The following USP15 variants were observed in gnomAD, a reference collection of about 807,000 sequenced individuals.
USP15 encodes ubiquitin carboxyl-terminal hydrolase 15.
USP15 carries 18 observed loss-of-function variants against 127.1 expected under a neutral mutation model. The observed-to-expected ratio is 0.14, with a 90% CI of 0.10 to 0.21. The LOEUF (loss-of-function observed/expected upper bound fraction) is 0.21, where lower values mean the gene tolerates loss of function less well. Among genes scored for constraint, USP15 ranks in the 10% least tolerant of loss-of-function variants. The probability of loss-of-function intolerance (pLI) is 1.00; values close to 1 mark genes in which losing one functional copy is unlikely to be tolerated. For synonymous variants in USP15, 364 were observed against 393.7 expected (o/e 0.92, Z 0.89); for missense variants, 805 against 1,159.9 (o/e 0.69, Z 4.44).
chr12:62,390,647 C>T (rs2067295723), intron 14 of USP15, among the ~76,000 whole-genome samples: 1 of 151,884 alleles, frequency 6.6e-6, no homozygotes, highest in African/African-American at 2.4e-5. Context: ...TAACATTTAA[C>T]CTAAAAGGTA....
At chr12:62,287,106 G>C (rs138509766) in intron 1 of USP15, among the ~76,000 whole-genome samples, 102 of 152,140 alleles carry the variant, frequency 6.7e-4, no homozygotes, top group African/African-American at 2.4e-3. Flanking sequence ...TTATAAGTAG[G>C]AGCTAAACAT....
rs2068136805 is a variant in USP15 at position 62,415,587 on chromosome 12, C to T, written c.*11212C>T. ...CTCACCTCACCTCTCTGCCTTTCAC[C>T]TCTCTGTAAACTAGAGCAGCTCCCG... On this transcript the variant is annotated 3_prime_UTR_variant, in exon 22 of 22. Transcript: ENST00000280377. 1 of 152,252 alleles carries T rather than the reference C, an allele frequency of 6.6e-6. No individual in the cohort carries two copies. The highest frequency in any genetic ancestry group is 2.4e-5 in the African/African-American group (1 of 41,440). The allele number at this position is 152,252 out of a possible 1,614,324, so 9.4% of individuals were successfully genotyped here. A position where few individuals can be genotyped will look rare whatever the true frequency, so the allele number is the denominator to read the frequency against.
chr12:62,359,831 T>C (rs936943602), intron 8 of USP15, among the ~76,000 whole-genome samples: 3 of 152,102 alleles, frequency 2.0e-5, no homozygotes, highest in Admixed American at 6.6e-5. Flanking sequence ...AATTCAAAAT[T>C]GTTGAGTTTG....
chr12:62,266,508 C>G (rs1394547296), intron 1 of USP15, among the ~76,000 whole-genome samples: 8 of 150,002 alleles, frequency 5.3e-5, no homozygotes, highest in Admixed American at 4.7e-4. Flanking sequence ...GATAATAAAA[C>G]AGTCAATTTT....
At position 62,260,404 on chromosome 12, in the gene USP15, A is replaced by G; in HGVS notation, c.-11A>G. 2.6e-6 allele frequency: 4 copies of G among 1,550,030 alleles called. No individual in the cohort carries two copies. Among genetic ancestry groups the G allele is most frequent in the Non-Finnish European group, 3.5e-6 (4 of 1,146,922 alleles). ...CGTCGCTGCCACCTCCCCTACCGCT[A>G]GTGGAAGAAGATGGCGGAAGGCGGA... On this transcript the variant is annotated 5_prime_UTR_variant, in exon 1 of 22. Transcript: ENST00000280377.
intron 4 of USP15, among the ~76,000 whole-genome samples, chr12:62,320,801 A>T (rs1432906938): frequency 6.6e-6 from 1 of 152,108 alleles, no homozygotes; most frequent in East Asian, 1.9e-4. Context: ...CTAAAATCTA[A>T]AAGTATTCTG....
rs1201066373 is a variant in USP15 at position 62,410,711 on chromosome 12, G to C, written c.*6336G>C. Reference sequence around the variant, plus strand: ...TTTTCACAACCATAAAATTATGCTGGTCTCTTGAAAGTATTAGTTTATGGG... The same window carrying C: ...TTTTCACAACCATAAAATTATGCTGCTCTCTTGAAAGTATTAGTTTATGGG... On this transcript the variant is annotated 3_prime_UTR_variant, in exon 22 of 22. Transcript: ENST00000280377. 6.6e-6 allele frequency: 1 copy of C among 152,102 alleles called. No individual in the cohort carries two copies. Among genetic ancestry groups the C allele is most frequent in the Non-Finnish European group, 1.5e-5 (1 of 68,012 alleles). 9.4% of individuals were successfully genotyped at this position (152,102 alleles called of 1,614,324 possible).
intron 1 of USP15, among the ~76,000 whole-genome samples, chr12:62,273,141 C>T (rs556604222): frequency 4.1e-5 from 6 of 145,612 alleles, no homozygotes; most frequent in South Asian, 2.1e-4. Context: ...TCCCAAAGTC[C>T]TTCTGGCCTT....
At chr12:62,324,800 A>G (rs2065082744) in intron 5 of USP15, among the ~76,000 whole-genome samples, 1 of 152,118 alleles carries the variant, frequency 6.6e-6, no homozygotes, top group Non-Finnish European at 1.5e-5. Flanking sequence ...ATTGTTACAT[A>G]TACTCTGAAA....
chr12:62,366,437 A>T (rs958248265), intron 8 of USP15, among the ~76,000 whole-genome samples: 5 of 152,192 alleles, frequency 3.3e-5, no homozygotes, highest in African/African-American at 1.2e-4. Context: ...TTATCAGGTT[A>T]AGGAGATTTA....
rs553821603 is a variant in USP15 at position 62,366,072 on chromosome 12, T to C, written c.915+10597T>C. Among the ~76,000 whole-genome samples the C allele has an allele frequency of 6.6e-5, 10 of 152,318 alleles. No homozygotes were observed. In the South Asian group the frequency reaches 1.9e-3, roughly 28 times the overall value. Reference sequence around the variant, plus strand: ...GTTCCATATGAAGTTTAAAGTAGTTTTTTCCAATTCTGTGAAGAAAGTCAG... The same window carrying C: ...GTTCCATATGAAGTTTAAAGTAGTTCTTTCCAATTCTGTGAAGAAAGTCAG... On this transcript the variant is annotated intron_variant, in intron 8 of 21. Coordinates refer to ENST00000280377, the MANE Select transcript of USP15 (RefSeq NM_001252078.2).
At chr12:62,356,005 A>G (rs889263633) in intron 8 of USP15, among the ~76,000 whole-genome samples, 4 of 148,804 alleles carry the variant, frequency 2.7e-5, no homozygotes, top group Admixed American at 2.0e-4. Flanking sequence ...TTTCTGCTCT[A>G]GTCTATATCC....
At chr12:62,311,772 T>G (rs1034770476) in intron 3 of USP15, among the ~76,000 whole-genome samples, 1 of 151,738 alleles carries the variant, frequency 6.6e-6, no homozygotes, top group Non-Finnish European at 1.5e-5. Flanking sequence ...ATGGAGAACT[T>G]CTAGGTTAAA....
At chr12:62,356,833 A>G (rs1022086066) in intron 8 of USP15, among the ~76,000 whole-genome samples, 1 of 152,080 alleles carries the variant, frequency 6.6e-6, no homozygotes, top group Non-Finnish European at 1.5e-5. Context: ...ATAACAAAGT[A>G]AAGTACATGG....
chr12:62,319,853 T>C (rs2064934244), intron 4 of USP15, among the ~76,000 whole-genome samples: 1 of 152,224 alleles, frequency 6.6e-6, no homozygotes, highest in Non-Finnish European at 1.5e-5. Flanking sequence ...TTTGGTATTT[T>C]TGCCAAAAGC....
intron 1 of USP15, among the ~76,000 whole-genome samples, chr12:62,271,803 C>T (rs954435172): frequency 4.6e-5 from 7 of 151,846 alleles, no homozygotes; most frequent in Non-Finnish European, 7.4e-5. Flanking sequence ...TAAAAACAAT[C>T]TTACTTGGCC....
At chr12:62,337,326 A>G (rs1437416032) in intron 6 of USP15, among the ~76,000 whole-genome samples, 1 of 152,162 alleles carries the variant, frequency 6.6e-6, no homozygotes, top group Non-Finnish European at 1.5e-5. Flanking sequence ...GCAATTTACA[A>G]AAGAAAGAGG....
intron 20 of USP15, 120 bp downstream of exon 20, chr12:62,396,518 G>A: frequency 2.4e-6 from 2 of 820,762 alleles, no homozygotes; most frequent in South Asian, 1.6e-5. Flanking sequence ...GCATATAGTA[G>A]TTCAGTATTG....
chr12:62,272,588 C>T (rs954342885), intron 1 of USP15, among the ~76,000 whole-genome samples: 1 of 151,884 alleles, frequency 6.6e-6, no homozygotes, highest in Non-Finnish European at 1.5e-5. Flanking sequence ...GTATATCTTT[C>T]TTAAATTTGC....
Sources: gnomAD v4.1 joint callset for allele counts (sites outside exome capture counted in the v4.1 genomes callset) on GRCh38, gnomAD v4.1.1 for gene constraint, MANE v1.5 for transcripts, NCBI Gene and HGNC (gene_info 2026-07-23, HGNC 2026-07-21) for gene names.